Variants in EPB41L4A observed in about 807,000 individuals in gnomAD.
EPB41L4A encodes band 4.1-like protein 4A.
In EPB41L4A, 100 loss-of-function variants were observed where a neutral mutation model predicts 108.6. The observed-to-expected ratio is 0.92, with a 90% CI of 0.78 to 1.09. The LOEUF (loss-of-function observed/expected upper bound fraction) is 1.09. EPB41L4A is among the 50% of genes least tolerant of loss of function. The pLI, the probability that EPB41L4A is intolerant of heterozygous loss-of-function variation, is 0.00. For missense variants in EPB41L4A, 1,030 were observed against 842.7 expected, an observed-to-expected ratio of 1.22 and a Z score of -2.75; for synonymous variants, 319 against 289.0, an observed-to-expected ratio of 1.10 and a Z score of -1.05.
chr5:112,216,794 T>C (rs2150326565), intron 12 of EPB41L4A, among the ~76,000 whole-genome samples: 1 of 152,328 alleles, frequency 6.6e-6, no homozygotes, highest in Non-Finnish European at 1.5e-5. Flanking sequence ...TTTAGCTCTA[T>C]TTCTCACATT....
intron 19 of EPB41L4A, 70 bp downstream of exon 19, chr5:112,170,875 G>A (rs2150203594): frequency 1.4e-6 from 2 of 1,392,444 alleles, no homozygotes; most frequent in Admixed American, 1.7e-5. Flanking sequence ...CTCAGTATCA[G>A]GAGTCTTCCT....
At chr5:112,244,560 C>T (rs192149348) in intron 9 of EPB41L4A, among the ~76,000 whole-genome samples, 5 of 152,212 alleles carry the variant, frequency 3.3e-5, no homozygotes, top group East Asian at 1.9e-4. Context: ...CTGCAGAAGG[C>T]GGTGTCTGAT....
intron 1 of EPB41L4A, among the ~76,000 whole-genome samples, chr5:112,377,307 G>A (rs1759884145): frequency 1.3e-5 from 2 of 152,020 alleles, no homozygotes; most frequent in South Asian, 2.1e-4. Context: ...TCCTACTTGT[G>A]ATAGTAAATA....
At chr5:112,318,915 A>G (rs575063919) in intron 1 of EPB41L4A, among the ~76,000 whole-genome samples, 2 of 152,252 alleles carry the variant, frequency 1.3e-5, no homozygotes, top group Admixed American at 1.3e-4. Context: ...CTCCCCTTCA[A>G]TCTCCCTATA....
intron 1 of EPB41L4A, among the ~76,000 whole-genome samples, chr5:112,318,867 A>G (rs1468730562): frequency 6.6e-6 from 1 of 152,198 alleles, no homozygotes; most frequent in Non-Finnish European, 1.5e-5. Flanking sequence ...TGTTACACAG[A>G]AAAACCTCAA....
intron 2 of EPB41L4A, among the ~76,000 whole-genome samples, chr5:112,299,362 T>C (rs1273480608): frequency 6.6e-6 from 1 of 152,148 alleles, no homozygotes; most frequent in Non-Finnish European, 1.5e-5. Flanking sequence ...TCATTCAGTT[T>C]GAAGAATTTT....
chr5:112,264,933 G>C lies in EPB41L4A; in HGVS notation c.517C>G (p.Leu173Val). The C allele has an allele frequency of 6.2e-7, 1 of 1,612,136 alleles. No individual in the cohort carries two copies. The highest frequency in any genetic ancestry group is 8.5e-7 in the Non-Finnish European group (1 of 1,179,156). Residue 173 changes from leucine (L) to valine (V), a missense_variant, in exon 6 of 23, where the codon CTT becomes GTT. Leu to Val is a conservative substitution (Grantham distance 32). Transcript: ENST00000261486. Reference sequence around the variant, plus strand: ...TGAATCCTTTCTATGGCTTCTTCAAGTTCTTCCTTCTGATCAGGAACAAAC... The same window carrying C: ...TGAATCCTTTCTATGGCTTCTTCAACTTCTTCCTTCTGATCAGGAACAAAC... ...YRFVPDQKEE[L>V]EEAIERIHKT...
At chr5:112,165,549 C>T (rs79870619) in intron 22 of EPB41L4A, among the ~76,000 whole-genome samples, 5,252 of 152,220 alleles carry the variant, frequency 0.035, 323 homozygotes, top group African/African-American at 0.12. Flanking sequence ...TTGTCTCATA[C>T]GGAGAAACAG....
intron 17 of EPB41L4A, among the ~76,000 whole-genome samples, chr5:112,188,818 C>A (rs1472315716): frequency 6.6e-6 from 1 of 152,130 alleles, no homozygotes; most frequent in Non-Finnish European, 1.5e-5. Flanking sequence ...TTTAAGTTTG[C>A]TAACATCCCA....
chr5:112,266,877 G>T, intron 4 of EPB41L4A, among the ~76,000 whole-genome samples: 1 of 152,152 alleles, frequency 6.6e-6, no homozygotes, highest in East Asian at 1.9e-4. Flanking sequence ...ACACTACACG[G>T]TAACTCATTC....
At chr5:112,316,046 A>G (rs1367831732) in intron 1 of EPB41L4A, among the ~76,000 whole-genome samples, 1 of 152,236 alleles carries the variant, frequency 6.6e-6, no homozygotes, top group Non-Finnish European at 1.5e-5. Flanking sequence ...TACTAGCAAC[A>G]TTCCAGAAAG....
At chr5:112,415,731 G>A (rs1219566432) in intron 1 of EPB41L4A, among the ~76,000 whole-genome samples, 1 of 152,064 alleles carries the variant, frequency 6.6e-6, no homozygotes, top group Non-Finnish European at 1.5e-5. Context: ...ATCCTTACTT[G>A]AATAAACAAC....
rs139740837 is a variant in EPB41L4A at position 112,389,156 on chromosome 5, C to A, written c.99+29785G>T. ...ACATGATCATTTAAAAAGCAAATCT[C>A]TAATATTTTCAAACACAAGAAAATT... On this transcript the variant is annotated intron_variant, in intron 1 of 22. Coordinates refer to ENST00000261486, the MANE Select transcript of EPB41L4A (RefSeq NM_022140.5). 6.7e-3 allele frequency among the ~76,000 whole-genome samples: 1,022 copies of A among 152,254 alleles called. 8 individuals carry two copies. The highest frequency in any genetic ancestry group is 0.01 in the Admixed American group (156 of 15,296).
At chr5:112,346,221 T>C in intron 1 of EPB41L4A, among the ~76,000 whole-genome samples, 1 of 95,070 alleles carries the variant, frequency 1.1e-5, no homozygotes, top group Non-Finnish European at 1.9e-5. Flanking sequence ...ATTGCATTTT[T>C]TTTTTTTTTT....
Position 112,239,740 on chromosome 5 carries a change from A to C in EPB41L4A, c.888-3T>G, listed in dbSNP as rs951619772. On this transcript the variant is annotated splice_region_variant and splice_polypyrimidine_tract_variant and intron_variant, in intron 10 of 22. Transcript: ENST00000261486. ...AATTGGATTCATTTTCTGGCATTCT[A>C]ATCAATTTTTAAAAGAAAATCAGAC... 1.2e-6 allele frequency: 2 copies of C among 1,602,128 alleles called. No homozygotes were observed. The highest frequency in any genetic ancestry group is 1.7e-5 in the Admixed American group (1 of 58,718).
chr5:112,268,247 G>A lies in EPB41L4A; in HGVS notation c.336-1917C>T, dbSNP rs114622055. ...AAATACAAAAGTTAGGAGTGGTGGCGCATGCCGGTAGTCCCAGCTACTTGG... is the reference window on the plus strand; with the variant it reads ...AAATACAAAAGTTAGGAGTGGTGGCACATGCCGGTAGTCCCAGCTACTTGG... On this transcript the variant is annotated intron_variant, in intron 4 of 22. Coordinates refer to ENST00000261486, the MANE Select transcript of EPB41L4A (RefSeq NM_022140.5). 5.9e-3 allele frequency among the ~76,000 whole-genome samples: 904 copies of A among 152,236 alleles called. 3 individuals are homozygous for A. The highest frequency in any genetic ancestry group is 0.01 in the Middle Eastern group (3 of 294).
intron 13 of EPB41L4A, among the ~76,000 whole-genome samples, chr5:112,206,285 A>G (rs1377079324): frequency 6.6e-6 from 1 of 152,018 alleles, no homozygotes; most frequent in Non-Finnish European, 1.5e-5. Flanking sequence ...AATCCTCTGT[A>G]TAACTGTCCT....
intron 17 of EPB41L4A, among the ~76,000 whole-genome samples, chr5:112,185,565 G>A (rs189681876): frequency 1.3e-4 from 20 of 152,304 alleles, no homozygotes; most frequent in African/African-American, 4.8e-4. Flanking sequence ...CCAAGCCTTT[G>A]AAGTGTATGT....
chr5:112,233,509 T>C (rs534141696), intron 12 of EPB41L4A, among the ~76,000 whole-genome samples: 17 of 152,334 alleles, frequency 1.1e-4, no homozygotes, highest in South Asian at 8.3e-4. Flanking sequence ...AGACCAATAA[T>C]AACAAAGAAC....
Sources: allele counts gnomAD v4.1 joint callset (sites outside exome capture counted in the v4.1 genomes callset), GRCh38; gene constraint gnomAD v4.1.1; transcripts MANE v1.5; gene names NCBI Gene and HGNC (gene_info 2026-07-23, HGNC 2026-07-21).